The following MMS22L variants were observed in gnomAD, a reference collection of about 807,000 sequenced individuals.
MMS22L encodes MMS22 like, DNA repair protein, also known as protein MMS22-like.
MMS22L carries 74 observed loss-of-function variants against 159.1 expected under a neutral mutation model. The ratio of observed to expected loss-of-function variants is 0.47; its 90% confidence interval spans 0.39 to 0.56. The LOEUF (loss-of-function observed/expected upper bound fraction) is 0.56. Among genes scored for constraint, MMS22L ranks in the 20% least tolerant of loss-of-function variants. The pLI is 0.00. For synonymous variants in MMS22L, 517 were observed against 506.9 expected, an observed-to-expected ratio of 1.02 and a Z score of -0.27; for missense variants, 1,351 against 1,422.1, an observed-to-expected ratio of 0.95 and a Z score of 0.80.
At chr6:97,211,203 T>C (rs958290695) in intron 14 of MMS22L, among the ~76,000 whole-genome samples, 1 of 152,024 alleles carries the variant, frequency 6.6e-6, no homozygotes, top group Non-Finnish European at 1.5e-5. Context: ...ATATAATTTT[T>C]TAAGATTATG....
At chr6:97,152,423 TA>T (rs1801407168) in intron 22 of MMS22L, among the ~76,000 whole-genome samples, 1 of 152,154 alleles carries the variant, frequency 6.6e-6, no homozygotes. Context: ...TTTAAATATT[TA>T]ACTAAATCCT....
rs1802722648 is a variant in MMS22L at position 97,164,125 on chromosome 6, G to C, written c.3221+1121C>G. 3.3e-5 allele frequency among the ~76,000 whole-genome samples: 5 copies of C among 151,918 alleles called. No individual in the cohort carries two copies. The South Asian group carries it at 1.0e-3, about 32-fold the overall frequency. Reference sequence around the variant, plus strand: ...GTCAGGAGATTCTGACAATAGTCTAGGTATAATGCACTAAGGGAAGAGAAA... The same window carrying C: ...GTCAGGAGATTCTGACAATAGTCTACGTATAATGCACTAAGGGAAGAGAAA... On this transcript the variant is annotated intron_variant, in intron 21 of 24. Transcript: ENST00000683635.
chr6:97,181,166 C>A (rs1454365539), intron 16 of MMS22L, among the ~76,000 whole-genome samples: 1 of 151,998 alleles, frequency 6.6e-6, no homozygotes, highest in Admixed American at 6.6e-5. Context: ...AAAATAAAAA[C>A]CCTAGAAAAA....
chr6:97,189,418 G>A (rs778110731), intron 14 of MMS22L, among the ~76,000 whole-genome samples: 28 of 151,110 alleles, frequency 1.9e-4, no homozygotes, highest in Non-Finnish European at 3.0e-4. Context: ...AAAATTAGCC[G>A]GGCGTGGTGA....
At chr6:97,238,695 T>A (rs1811713507) in intron 11 of MMS22L, among the ~76,000 whole-genome samples, 1 of 149,786 alleles carries the variant, frequency 6.7e-6, no homozygotes, top group Non-Finnish European at 1.5e-5. Context: ...TAATCTCTGC[T>A]TTAGTCCTTT....
chr6:97,227,960 G>A (rs957641044), intron 14 of MMS22L, among the ~76,000 whole-genome samples: 2 of 152,198 alleles, frequency 1.3e-5, no homozygotes, highest in Admixed American at 1.3e-4. Context: ...AAAACAGTAA[G>A]TTTTGTATAG....
chr6:97,205,830 TA>T (rs1278998984), intron 14 of MMS22L, among the ~76,000 whole-genome samples: 1 of 152,140 alleles, frequency 6.6e-6, no homozygotes, highest in Non-Finnish European at 1.5e-5. Flanking sequence ...TCTTCAGACA[TA>T]AAATGGTCCC....
chr6:97,202,243 G>C (rs905103699), intron 14 of MMS22L, among the ~76,000 whole-genome samples: 2 of 152,110 alleles, frequency 1.3e-5, no homozygotes, highest in Non-Finnish European at 2.9e-5. Context: ...GGCCTTCCTA[G>C]GAATTTTAAA....
chr6:97,279,600 C>A (rs922577120), intron 3 of MMS22L, among the ~76,000 whole-genome samples: 4 of 151,894 alleles, frequency 2.6e-5, no homozygotes, highest in African/African-American at 9.7e-5. Context: ...GCCTGGCCAG[C>A]ATGGTGAGAC....
At chr6:97,186,864 A>T (rs1805298694) in intron 14 of MMS22L, among the ~76,000 whole-genome samples, 174 bp from the exon 15 acceptor site, 1 of 152,226 alleles carries the variant, frequency 6.6e-6, no homozygotes, top group African/African-American at 2.4e-5. Flanking sequence ...ATGATGGCAT[A>T]TTAAGCATCA....
At chr6:97,275,105 G>T (rs954580460) in intron 4 of MMS22L, among the ~76,000 whole-genome samples, 8 of 152,096 alleles carry the variant, frequency 5.3e-5, no homozygotes, top group African/African-American at 1.9e-4. Flanking sequence ...AATCCAGAAA[G>T]CAACAATGTG....
rs376650320 is a variant in MMS22L, at chr6:97,178,426, T to A, written c.2679+17A>T. ...TTGTAATTAATCTGGACAATTATAC[T>A]AATAAATGACAAATACCTCAAAGAA... On this transcript the variant is annotated intron_variant, in intron 18 of 24. Coordinates refer to ENST00000683635, the MANE Select transcript of MMS22L (RefSeq NM_001350599.2). 2.1e-5 allele frequency: 32 copies of A among 1,504,834 alleles called. No individual in the cohort carries two copies. The East Asian group carries it at 7.1e-4, about 33-fold the overall frequency. The allele number at this position is 1,504,834 out of a possible 1,614,324, so 93.2% of individuals were successfully genotyped here.
At chr6:97,155,663 A>G (rs977858440) in intron 22 of MMS22L, among the ~76,000 whole-genome samples, 2 of 152,166 alleles carry the variant, frequency 1.3e-5, no homozygotes, top group Non-Finnish European at 2.9e-5. Flanking sequence ...TTATGGCTGC[A>G]TAGTATTCCA....
At chr6:97,216,070 T>TG (rs1808979791) in intron 14 of MMS22L, among the ~76,000 whole-genome samples, 1 of 152,200 alleles carries the variant, frequency 6.6e-6, no homozygotes, top group African/African-American at 2.4e-5. Flanking sequence ...AAACAGCAGT[T>TG]ACTCACCTTT....
chr6:97,221,837 G>C (rs6931902), intron 14 of MMS22L, among the ~76,000 whole-genome samples: 114,863 of 151,836 alleles, frequency 0.76, 44,448 homozygotes, highest in Middle Eastern at 0.84. Flanking sequence ...TATAATGAAA[G>C]AGCAGACATT....
At chr6:97,199,453 C>T (rs1266665098) in intron 14 of MMS22L, among the ~76,000 whole-genome samples, 1 of 152,112 alleles carries the variant, frequency 6.6e-6, no homozygotes, top group Non-Finnish European at 1.5e-5. Flanking sequence ...CTTCCCCCCA[C>T]CTCCATTTAA....
At chr6:97,224,496 T>C (rs965700078) in intron 14 of MMS22L, among the ~76,000 whole-genome samples, 8 of 151,942 alleles carry the variant, frequency 5.3e-5, no homozygotes, top group African/African-American at 1.9e-4. Flanking sequence ...AGACAAATTA[T>C]TATAAATAAA....
At chr6:97,275,958 C>T (rs1231857169) in intron 4 of MMS22L, among the ~76,000 whole-genome samples, 4 of 151,610 alleles carry the variant, frequency 2.6e-5, no homozygotes, top group East Asian at 3.9e-4. Flanking sequence ...GAGTCATGAT[C>T]GCACCACTGC....
In MMS22L at chr6:97,186,614, T is replaced by C. The variant is rs770017604; in HGVS notation, c.2116A>G (p.Lys706Glu). ...GCAACTGCAGCAAGGTGGCGCTCTT[T>C]AGCCGATAATGAAGACTGTACAAAT... is the stretch of plus-strand genomic sequence containing the variant. The part of the protein sequence containing the change: ...DLFVQSSLSA[K>E]ERHLAAVASA... Residue 706 changes from lysine to glutamate, a missense_variant, in exon 15 of 25, where the codon AAA becomes GAA. By Grantham distance (56) the Lys-to-Glu change is moderately conservative (BLOSUM62 1). Coordinates refer to ENST00000683635, the MANE Select transcript of MMS22L (RefSeq NM_001350599.2). The C allele has an allele frequency of 6.2e-7, 1 of 1,611,942 alleles. No individual in the cohort carries two copies. Among genetic ancestry groups the C allele is most frequent in the South Asian group, 1.1e-5 (1 of 90,804 alleles).
Sources: gnomAD v4.1 joint callset for allele counts (sites outside exome capture counted in the v4.1 genomes callset) on GRCh38, gnomAD v4.1.1 for gene constraint, MANE v1.5 for transcripts, NCBI Gene and HGNC (gene_info 2026-07-23, HGNC 2026-07-21) for gene names.